The following NTRK2 variants were observed in gnomAD, a reference collection of about 807,000 sequenced individuals.
NTRK2 encodes the protein BDNF/NT-3 growth factors receptor.
Under a neutral mutation model 94.5 loss-of-function variants are expected in NTRK2, and 13 were observed. The observed-to-expected ratio is 0.14, with a 90% confidence interval of 0.09 to 0.22. The LOEUF (loss-of-function observed/expected upper bound fraction) is 0.22, where lower values mean the gene tolerates loss of function less well. NTRK2 is among the 10% of genes least tolerant of loss of function. The pLI, the probability that NTRK2 is intolerant of heterozygous loss-of-function variation, is 1.00. For synonymous variants in NTRK2, 372 were observed against 407.4 expected (o/e 0.91, Z 1.05); for missense variants, 639 against 1,071.2 (o/e 0.60, Z 5.63).
At position 85,022,885 on chromosome 9, in the gene NTRK2, G is replaced by C; in HGVS notation, c.*1448G>C. The C allele has an allele frequency of 4.3e-6, 1 of 233,278 alleles. No individual in the cohort carries two copies. Among genetic ancestry groups the C allele is most frequent in the Non-Finnish European group, 8.5e-6 (1 of 118,082 alleles). 14.5% of individuals were successfully genotyped at this position (233,278 alleles called of 1,614,324 possible). Reference sequence around the variant, plus strand: ...TGGGAAGGGCAGAATCAATCCCTAAGGGAAAGGAAACCTCACCCTGAGGGC... The same window carrying C: ...TGGGAAGGGCAGAATCAATCCCTAACGGAAAGGAAACCTCACCCTGAGGGC... On this transcript the variant is annotated 3_prime_UTR_variant, in exon 19 of 19. Coordinates refer to ENST00000277120, the MANE Select transcript of NTRK2 (RefSeq NM_006180.6).
chr9:84,974,930 G>A, intron 17 of NTRK2, among the ~76,000 whole-genome samples: 1 of 152,302 alleles, frequency 6.6e-6, no homozygotes, highest in South Asian at 2.1e-4. Flanking sequence ...CAAAAGGAAA[G>A]AACAGTGTGG....
intron 12 of NTRK2, among the ~76,000 whole-genome samples, chr9:84,788,506 C>T (rs564418142): frequency 6.6e-6 from 1 of 152,262 alleles, no homozygotes; most frequent in South Asian, 2.1e-4. Flanking sequence ...CTCTTCCACC[C>T]CAGTCCTAGA....
intron 17 of NTRK2, among the ~76,000 whole-genome samples, chr9:84,975,800 C>CAATAT (rs2133182238): frequency 6.9e-6 from 1 of 145,224 alleles, no homozygotes; most frequent in East Asian, 1.9e-4. Context: ...TCACACAATA[C>CAATAT]AATACAATAC....
At chr9:84,854,946 CAAAAAAAAAAAAAA>C (rs149925184) in intron 12 of NTRK2, among the ~76,000 whole-genome samples, 2 of 63,364 alleles carry the variant, frequency 3.2e-5, no homozygotes, top group East Asian at 7.6e-4. Context: ...GACTCCGTCT[CAAAAAAAAAAAAAA>C]AAAAAAAAAA....
chr9:84,981,296 T>A (rs1827579765), intron 17 of NTRK2, among the ~76,000 whole-genome samples: 1 of 152,010 alleles, frequency 6.6e-6, no homozygotes, highest in African/African-American at 2.4e-5. Context: ...GAGAGTGGTT[T>A]TTGCCATGTT....
rs111954058 is a variant in NTRK2, at chr9:85,023,587, AT to A, written c.*2154del. On this transcript the variant is annotated 3_prime_UTR_variant, in exon 19 of 19. Coordinates refer to ENST00000277120, the MANE Select transcript of NTRK2 (RefSeq NM_006180.6). ...GGGTCGTTTGTTCTCTTTGTTGATG[AT>A]TTTAAAAAAACCCTCTAGAATACAC... The A allele has an allele frequency of 3.1e-5, 7 of 228,000 alleles. No individual in the cohort carries two copies. The highest frequency in any genetic ancestry group is 6.7e-5 in the African/African-American group (3 of 44,974). The allele number at this position is 228,000 out of a possible 1,614,324, so 14.1% of individuals were successfully genotyped here.
chr9:84,954,080 G>A (rs1336353412), intron 16 of NTRK2, among the ~76,000 whole-genome samples: 1 of 152,202 alleles, frequency 6.6e-6, no homozygotes, highest in Non-Finnish European at 1.5e-5. Context: ...ATACTCACAC[G>A]GCTCTGAAAC....
chr9:84,710,335 A>G (rs1341343175), intron 5 of NTRK2, among the ~76,000 whole-genome samples: 6 of 151,602 alleles, frequency 4.0e-5, no homozygotes, highest in African/African-American at 1.5e-4. Context: ...ATGGCACCTT[A>G]TTTTCCCCAT....
chr9:84,954,279 C>T (rs747859945), intron 16 of NTRK2, among the ~76,000 whole-genome samples: 2 of 152,186 alleles, frequency 1.3e-5, no homozygotes, highest in African/African-American at 2.4e-5. Flanking sequence ...CCACCAGGGG[C>T]AATGACGCTC....
intron 14 of NTRK2, among the ~76,000 whole-genome samples, chr9:84,887,901 T>C (rs2132268874): frequency 6.6e-6 from 1 of 152,344 alleles, no homozygotes; most frequent in Admixed American, 6.5e-5. Context: ...TGCAGATTAT[T>C]TTCTTGATGT....
chr9:84,836,594 C>G (rs1000604795), intron 12 of NTRK2, among the ~76,000 whole-genome samples: 2 of 147,402 alleles, frequency 1.4e-5, no homozygotes, highest in Non-Finnish European at 3.0e-5. Context: ...CTAGCATAAT[C>G]TAATATTATC....
intron 12 of NTRK2, among the ~76,000 whole-genome samples, chr9:84,773,988 G>A (rs6559828): frequency 0.018 from 2,794 of 152,244 alleles, 102 homozygotes; most frequent in African/African-American, 0.064. Context: ...GGCTCCTAAC[G>A]TCAAGTCTGC....
intron 15 of NTRK2, among the ~76,000 whole-genome samples, chr9:84,937,669 A>G (rs2078257993): frequency 6.6e-6 from 1 of 151,794 alleles, no homozygotes; most frequent in Non-Finnish European, 1.5e-5. Context: ...TTCCCTTTGC[A>G]CTGAGTTATA....
At chr9:84,844,563 G>C (rs1322964897) in intron 12 of NTRK2, among the ~76,000 whole-genome samples, 2 of 151,638 alleles carry the variant, frequency 1.3e-5, no homozygotes, top group East Asian at 3.9e-4. Flanking sequence ...TTCTGAAGGG[G>C]AACTGAGAAG....
chr9:84,719,057 A>T (rs2131952235), intron 6 of NTRK2, among the ~76,000 whole-genome samples: 1 of 152,248 alleles, frequency 6.6e-6, no homozygotes, highest in East Asian at 1.9e-4. Flanking sequence ...TAGACACGTA[A>T]TTATTTTTAA....
At chr9:84,720,290 C>T (rs768270609) in intron 6 of NTRK2, among the ~76,000 whole-genome samples, 18 of 152,086 alleles carry the variant, frequency 1.2e-4, no homozygotes, top group African/African-American at 2.7e-4. Flanking sequence ...AGCAGAAAAC[C>T]GGAGGCTTAA....
At chr9:84,973,574 T>C (rs954547667) in intron 17 of NTRK2, among the ~76,000 whole-genome samples, 1 of 152,204 alleles carries the variant, frequency 6.6e-6, no homozygotes, top group Non-Finnish European at 1.5e-5. Flanking sequence ...ATAGTACTCC[T>C]GTTATTCATA....
intron 7 of NTRK2, 110 bp downstream of exon 7, chr9:84,723,819 G>T: frequency 6.9e-7 from 1 of 1,448,444 alleles, no homozygotes; most frequent in South Asian, 1.2e-5. Context: ...GCTACATATA[G>T]AAATTTACAA....
rs1281516340 is a variant in NTRK2 at position 85,027,044 on chromosome 9, A to C, written c.*5607A>C. ...AAAATGATGTCTTACAATAAATAAC[A>C]TACTCCAAAAGAGAGACTAAAAATG... is the stretch of plus-strand genomic sequence containing the variant. On this transcript the variant is annotated 3_prime_UTR_variant, in exon 19 of 19. Coordinates refer to ENST00000277120, the MANE Select transcript of NTRK2 (RefSeq NM_006180.6). The C allele has an allele frequency of 4.3e-6, 1 of 230,530 alleles. No individual in the cohort carries two copies. Among genetic ancestry groups the C allele is most frequent in the Non-Finnish European group, 8.6e-6 (1 of 116,406 alleles). The allele number at this position is 230,530 out of a possible 1,614,324, so 14.3% of individuals were successfully genotyped here.
Sources: gnomAD v4.1 joint callset for allele counts (sites outside exome capture counted in the v4.1 genomes callset) on GRCh38, gnomAD v4.1.1 for gene constraint, MANE v1.5 for transcripts, NCBI Gene and HGNC (gene_info 2026-07-23, HGNC 2026-07-21) for gene names.